The following PVT1 variants were observed in gnomAD, a reference collection of about 807,000 sequenced individuals.
PVT1 encodes the protein Pvt1 oncogene.
intron 3 of PVT1, among the ~76,000 whole-genome samples, chr8:127,984,619 T>C (rs756389963): frequency 3.9e-5 from 6 of 152,192 alleles, no homozygotes; most frequent in Non-Finnish European, 5.9e-5. Flanking sequence ...ATGTTGTTGT[T>C]GTTTTGAGAC....
intron 2 of PVT1, among the ~76,000 whole-genome samples, chr8:127,881,435 ATATTATTAT>A (rs79735415): frequency 2.0e-5 from 2 of 100,838 alleles, no homozygotes; most frequent in South Asian, 2.8e-4. Flanking sequence ...TATTGTTATT[ATATTATTAT>A]TATTATTATT....
chr8:127,988,352 G>A (rs1030739252), intron 3 of PVT1, among the ~76,000 whole-genome samples: 7 of 152,186 alleles, frequency 4.6e-5, no homozygotes, highest in African/African-American at 9.7e-5. Context: ...AAAGGGCACC[G>A]TACTGTAAAT....
intron 2 of PVT1, among the ~76,000 whole-genome samples, chr8:127,880,434 C>A (rs537764727): frequency 6.6e-6 from 1 of 151,288 alleles, no homozygotes; most frequent in Non-Finnish European, 1.5e-5. Context: ...GGACTACAGG[C>A]GCTCGCCACC....
intron 4 of PVT1, among the ~76,000 whole-genome samples, chr8:128,063,686 G>T (rs1419306026): frequency 6.6e-6 from 1 of 152,120 alleles, no homozygotes; most frequent in East Asian, 1.9e-4. Context: ...AAGTAGAAAG[G>T]AGCCTGGTGG....
At chr8:127,962,646 G>A (rs1017902187) in intron 3 of PVT1, among the ~76,000 whole-genome samples, 1 of 152,070 alleles carries the variant, frequency 6.6e-6, no homozygotes, top group Non-Finnish European at 1.5e-5. Flanking sequence ...GACGAGGCTG[G>A]AGTGCGGGGG....
chr8:127,960,902 TC>T (rs1816632933), intron 3 of PVT1, among the ~76,000 whole-genome samples: 1 of 144,390 alleles, frequency 6.9e-6, no homozygotes. Context: ...GTGCTCTTTT[TC>T]CTTAGAGATT....
intron 2 of PVT1, among the ~76,000 whole-genome samples, chr8:127,858,031 A>G (rs970425286): frequency 1.3e-5 from 2 of 152,220 alleles, no homozygotes; most frequent in African/African-American, 4.8e-5. Flanking sequence ...TCAGGGATCC[A>G]TGATTCTGAA....
intron 4 of PVT1, among the ~76,000 whole-genome samples, chr8:128,000,107 C>T (rs4733818): frequency 0.3 from 46,152 of 152,000 alleles, 7,326 homozygotes; most frequent in East Asian, 0.5. Context: ...TTCCTGCTTT[C>T]CTTTCCCTCC....
intron 4 of PVT1, among the ~76,000 whole-genome samples, chr8:128,040,947 C>A (rs1391204865): frequency 7.0e-6 from 1 of 143,188 alleles, no homozygotes; most frequent in African/African-American, 2.6e-5. Flanking sequence ...TGTGTGTTTT[C>A]TGCTTGGGTG....
At chr8:128,060,084 G>A (rs916352946) in intron 4 of PVT1, among the ~76,000 whole-genome samples, 5 of 152,060 alleles carry the variant, frequency 3.3e-5, no homozygotes, top group African/African-American at 4.8e-5. Flanking sequence ...GTGAAACCCC[G>A]TCTCTACTAA....
At chr8:128,043,451 T>A (rs1813569939) in intron 4 of PVT1, among the ~76,000 whole-genome samples, 11 of 152,110 alleles carry the variant, frequency 7.2e-5, no homozygotes. Flanking sequence ...GAGAACAAAA[T>A]CAGACTGGAA....
At chr8:127,896,139 G>T (rs1263407160) in intron 3 of PVT1, among the ~76,000 whole-genome samples, 2 of 152,202 alleles carry the variant, frequency 1.3e-5, no homozygotes, top group Non-Finnish European at 2.9e-5. Flanking sequence ...TTAGAAGATG[G>T]CCTTCACATG....
intron 3 of PVT1, among the ~76,000 whole-genome samples, chr8:127,935,924 C>T (rs73707141): frequency 5.3e-5 from 8 of 151,514 alleles, no homozygotes; most frequent in African/African-American, 1.9e-4. Context: ...GGTGGTGTGG[C>T]CCAAAGATTG....
At chr8:128,017,768 C>T (rs1008179714) in intron 4 of PVT1, among the ~76,000 whole-genome samples, 2 of 152,012 alleles carry the variant, frequency 1.3e-5, no homozygotes, top group African/African-American at 4.8e-5. Context: ...ATTAATAGGA[C>T]CTGGACACAC....
rs879938223 is a variant in PVT1, at chr8:127,935,387, C to G, written n.782+44389C>G. The stretch of plus-strand genomic sequence containing the variant: ...AAGGGGTTTTTGTCTGCTTTTGCTT[C>G]TGAAGGTGAACCCACTATCTATTTA... On this transcript the variant is annotated intron_variant and non_coding_transcript_variant, in intron 3 of 10. Coordinates refer to ENST00000651587, the Ensembl canonical transcript of PVT1. 9.2e-5 allele frequency among the ~76,000 whole-genome samples: 14 copies of G among 152,188 alleles called. 1 individual carries two copies. Among genetic ancestry groups the G allele is most frequent in the Non-Finnish European group, 1.5e-4 (10 of 68,030 alleles).
intron 4 of PVT1, among the ~76,000 whole-genome samples, chr8:127,997,738 C>T (rs1216726041): frequency 6.6e-6 from 1 of 152,212 alleles, no homozygotes; most frequent in African/African-American, 2.4e-5. Context: ...ACATTTGCCA[C>T]AATTAATGGA....
intron 4 of PVT1, among the ~76,000 whole-genome samples, chr8:128,034,675 A>T (rs1813441007): frequency 6.6e-6 from 1 of 152,240 alleles, no homozygotes; most frequent in Admixed American, 6.5e-5. Flanking sequence ...TGGGCTCCAG[A>T]TCACTTAGCT....
At chr8:127,808,765 C>T (rs558843318) in intron 2 of PVT1, among the ~76,000 whole-genome samples, 2 of 152,112 alleles carry the variant, frequency 1.3e-5, no homozygotes, top group Admixed American at 1.3e-4. Flanking sequence ...CGTGGTGGCT[C>T]ATGCCTGTAA....
chr8:128,007,582 A>T (rs1004196908), intron 4 of PVT1, among the ~76,000 whole-genome samples: 1 of 152,176 alleles, frequency 6.6e-6, no homozygotes, highest in African/African-American at 2.4e-5. Context: ...TAGTGCACAT[A>T]CATATTTATC....
Sources: allele counts gnomAD v4.1 joint callset (sites outside exome capture counted in the v4.1 genomes callset), GRCh38; gene constraint gnomAD v4.1.1; transcripts MANE v1.5; gene names NCBI Gene and HGNC (gene_info 2026-07-23, HGNC 2026-07-21).